The following ACAD8 variants were observed in gnomAD, a reference collection of about 807,000 sequenced individuals.
ACAD8 encodes the protein acyl-CoA dehydrogenase family member 8.
ACAD8 carries 47 observed loss-of-function variants against 53.1 expected under a neutral mutation model. The ratio of observed to expected loss-of-function variants is 0.89; its 90% CI spans 0.70 to 1.13. The LOEUF is 1.13. Among genes scored for constraint, ACAD8 ranks in the 50% most tolerant of loss-of-function variants. ACAD8 has a pLI of 0.00. For synonymous variants in ACAD8, 198 were observed against 201.3 expected, an observed-to-expected ratio of 0.98 and a Z score of 0.14; for missense variants, 494 against 535.0, an observed-to-expected ratio of 0.92 and a Z score of 0.76.
intron 3 of ACAD8, chr11:134,258,030 T>G (rs1376246392): frequency 4.6e-6 from 1 of 216,394 alleles, no homozygotes; most frequent in Non-Finnish European, 9.4e-6. Flanking sequence ...TTTTTCATAT[T>G]TAGTAGAGAT....
At chr11:134,262,697 C>T (rs1939961604) in intron 10 of ACAD8, 75 bp downstream of exon 10, 2 of 1,535,076 alleles carry the variant, frequency 1.3e-6, no homozygotes, top group South Asian at 2.4e-5. Flanking sequence ...TCTCTGTCCC[C>T]ATGCCTCCTG....
intron 10 of ACAD8, chr11:134,263,264 A>C (rs2136085316): frequency 1.0e-6 from 1 of 1,003,270 alleles, no homozygotes; most frequent in Non-Finnish European, 1.2e-6. Flanking sequence ...TCTTTGAGTG[A>C]CTTCGGTGAA....
chr11:134,261,665 T>C lies in ACAD8; in HGVS notation c.940-73T>C. 4 of 1,605,430 alleles carry C rather than the reference T, an allele frequency of 2.5e-6. No individual in the cohort carries two copies. Among genetic ancestry groups the C allele is most frequent in the Non-Finnish European group, 2.5e-6 (3 of 1,179,492 alleles). On this transcript the variant is annotated intron_variant, in intron 8 of 10. Coordinates refer to ENST00000281182, the MANE Select transcript of ACAD8 (RefSeq NM_014384.3). This position sits in a 1 kb window ranked among gnomAD's most constrained non-coding sequence, Gnocchi z 4.2. The stretch of plus-strand genomic sequence containing the variant: ...TAGAAAAGGCGCCTCCGAGATGTCT[T>C]ACCGAGGCTCCTGCACCAGGTGCTG...
In ACAD8 at chr11:134,265,037, C is replaced by A; in HGVS notation, c.*77C>A. On this transcript the variant is annotated 3_prime_UTR_variant, in exon 11 of 11. Coordinates refer to ENST00000281182, the MANE Select transcript of ACAD8 (RefSeq NM_014384.3). The stretch of plus-strand genomic sequence containing the variant: ...GTGGTGCCATGTGGGCCGCTCTATT[C>A]CAAAGGAATCATGGATTAGACCCAA... The A allele has an allele frequency of 6.7e-7, 1 of 1,492,146 alleles. No homozygotes were observed. The highest frequency in any genetic ancestry group is 9.3e-7 in the Non-Finnish European group (1 of 1,070,164). The allele number at this position is 1,492,146 out of a possible 1,614,324, so 92.4% of individuals were successfully genotyped here.
chr11:134,255,584 A>T (rs1344699442), intron 1 of ACAD8, among the ~76,000 whole-genome samples: 1 of 152,260 alleles, frequency 6.6e-6, no homozygotes, highest in Admixed American at 6.5e-5. Flanking sequence ...CCAGTCAGAG[A>T]ACCATGAATT....
chr11:134,253,604 C>T lies in ACAD8; in HGVS notation c.4C>T (p.Leu2=), dbSNP rs1241968660. 12 of 1,584,478 alleles carry T rather than the reference C, an allele frequency of 7.6e-6. No individual in the cohort carries two copies. Among genetic ancestry groups the T allele is most frequent in the Non-Finnish European group, 1.0e-5 (12 of 1,167,660 alleles). The change falls in exon 1 of 11, where the codon CTG becomes TTG. Residue 2 remains leucine, a synonymous_variant. Coordinates refer to ENST00000281182, the MANE Select transcript of ACAD8 (RefSeq NM_014384.3). M[L]WSGCRRFGAR... ...TGAACGCGGAGCTGCGGCGGCTATG[C>T]TGTGGAGCGGCTGCCGGCGTTTCGG...
intron 6 of ACAD8, 185 bp downstream of exon 6, chr11:134,259,930 T>C: frequency 6.8e-7 from 1 of 1,465,496 alleles, no homozygotes; most frequent in Non-Finnish European, 9.1e-7. Flanking sequence ...ACACTAGGCC[T>C]CTGGGGAAAG....
chr11:134,265,244 C>A lies in ACAD8; in HGVS notation c.*284C>A, dbSNP rs964671105. 4 of 502,768 alleles carry A rather than the reference C, an allele frequency of 8.0e-6. No homozygotes were observed. Among genetic ancestry groups the A allele is most frequent in the Non-Finnish European group, 1.4e-5 (4 of 282,334 alleles). 31.1% of individuals were successfully genotyped at this position (502,768 alleles called of 1,614,324 possible). A position where few individuals can be genotyped will look rare whatever the true frequency, so the allele number is the denominator to read the frequency against. On this transcript the variant is annotated 3_prime_UTR_variant, in exon 11 of 11. Transcript: ENST00000281182. Reference sequence around the variant, plus strand: ...TGACCAGTGAAGATTCACCGTCAAACCATGAAAGTCCTTTCTTGGATCCAC... The same window carrying A: ...TGACCAGTGAAGATTCACCGTCAAAACATGAAAGTCCTTTCTTGGATCCAC...
At chr11:134,262,027 A>G in intron 9 of ACAD8, 137 bp downstream of exon 9, 1 of 1,075,756 alleles carries the variant, frequency 9.3e-7, no homozygotes, top group Middle Eastern at 2.0e-4. Flanking sequence ...AAGGATATAA[A>G]TGAACTCATG....
rs1206554938 is a variant in ACAD8, at chr11:134,261,518, C to T, written c.939+146C>T. The stretch of plus-strand genomic sequence containing the variant: ...CCAGAGCTTGTGCTTTATTTCTGTC[C>T]ATCTTTTCTTGGGATATCTTTAACG... On this transcript the variant is annotated intron_variant, in intron 8 of 10. Transcript: ENST00000281182. The surrounding 1 kb of genome is among the most constrained non-coding windows in gnomAD (Gnocchi z 4.2). 3 of 1,504,058 alleles carry T rather than the reference C, an allele frequency of 2.0e-6. No homozygotes were observed. The highest frequency in any genetic ancestry group is 2.7e-6 in the Non-Finnish European group (3 of 1,103,366). 93.2% of individuals were successfully genotyped at this position (1,504,058 alleles called of 1,614,324 possible).
intron 6 of ACAD8, 158 bp from the exon 7 acceptor site, chr11:134,260,886 G>T: frequency 1.3e-6 from 1 of 761,096 alleles, no homozygotes; most frequent in Non-Finnish European, 2.2e-6. Flanking sequence ...AGTGCTGACA[G>T]GCCTTTAAAC....
intron 10 of ACAD8, chr11:134,263,608 C>T (rs1170331855): frequency 2.0e-6 from 2 of 985,366 alleles, no homozygotes; most frequent in Non-Finnish European, 2.4e-6. Context: ...TGTTTATGGG[C>T]TCAGTCGCCA....
chr11:134,263,419 G>A (rs1940018899), intron 10 of ACAD8: 15 of 985,308 alleles, frequency 1.5e-5, no homozygotes, highest in Non-Finnish European at 1.8e-5. Flanking sequence ...CAGAGCTTCT[G>A]CTCCAGAGGG....
In ACAD8 at chr11:134,262,244, C is replaced by G. The variant is rs1048515233; in HGVS notation, c.1093-276C>G. 30 of 650,916 alleles carry G rather than the reference C, an allele frequency of 4.6e-5. No individual in the cohort carries two copies. In the East Asian group the frequency reaches 9.0e-4, roughly 20 times the overall value. The allele number at this position is 650,916 out of a possible 1,614,324, so 40.3% of individuals were successfully genotyped here. ...GAACCATAGCTTTTTATCATCCCAG[C>G]CAGGGTGGCTGTGGGCAGCTTCTGC... On this transcript the variant is annotated intron_variant, in intron 9 of 10. Coordinates refer to ENST00000281182, the MANE Select transcript of ACAD8 (RefSeq NM_014384.3).
intron 10 of ACAD8, chr11:134,264,164 G>C: frequency 2.0e-6 from 1 of 499,622 alleles, no homozygotes; most frequent in Non-Finnish European, 2.6e-6. Context: ...GGCCAACCCG[G>C]TGAAGCCCCG....
chr11:134,258,761 T>A, intron 4 of ACAD8, 137 bp downstream of exon 4: 1 of 776,820 alleles, frequency 1.3e-6, no homozygotes, highest in Non-Finnish European at 2.2e-6. Context: ...AGTAATAGAG[T>A]CCTGTGACCT....
intron 1 of ACAD8, 130 bp downstream of exon 1, chr11:134,253,839 C>G: frequency 1.0e-6 from 1 of 994,382 alleles, no homozygotes; most frequent in South Asian, 1.4e-5. Flanking sequence ...CAGTCACCCC[C>G]CCGGCCTGGC....
Position 134,257,181 on chromosome 11 carries a change from C to A in ACAD8, c.304C>A (p.Arg102Ser), listed in dbSNP as rs759177553. The A allele has an allele frequency of 1.2e-6, 2 of 1,614,068 alleles. No homozygotes were observed. The highest frequency in any genetic ancestry group is 1.7e-6 in the Non-Finnish European group (2 of 1,180,050). Residue 102 changes from arginine (R) to serine (S), a missense_variant, in exon 3 of 11, where the codon CGT (arginine) becomes AGT (serine). Coordinates refer to ENST00000281182, the MANE Select transcript of ACAD8 (RefSeq NM_014384.3). ...QTDVGGSGLS[R>S]LDTSVIFEAL... ...AGATGTGGGCGGGTCTGGGCTGTCA[C>A]GTCTTGATACCTCTGTCATTTTTGA...
intron 3 of ACAD8, chr11:134,258,254 G>A (rs947398955): frequency 6.4e-5 from 34 of 529,098 alleles, no homozygotes; most frequent in Non-Finnish European, 1.0e-4. Context: ...TTAGAGGCTC[G>A]TGTAACCTAA....
Sources: gnomAD v4.1 joint callset for allele counts (sites outside exome capture counted in the v4.1 genomes callset) on GRCh38, gnomAD v4.1.1 for gene constraint, Gnocchi (gnomAD v3.1) non-coding constraint, MANE v1.5 for transcripts, NCBI Gene and HGNC (gene_info 2026-07-23, HGNC 2026-07-21) for gene names.